IP6K2: variants seen among roughly 807,000 people sequenced by gnomAD.
IP6K2 encodes the protein ATP:1D-myo-inositol-hexakisphosphate phosphotransferase.
Under a neutral mutation model 43.3 loss-of-function variants are expected in IP6K2, and 9 were observed. The ratio of observed to expected loss-of-function variants is 0.21; its 90% confidence interval spans 0.13 to 0.36. The LOEUF (loss-of-function observed/expected upper bound fraction) is 0.36, where lower values mean the gene tolerates loss of function less well. Ranked by LOEUF, IP6K2 falls within the 10% of genes least tolerant of loss-of-function variation. IP6K2 has a pLI of 1.00. For synonymous variants in IP6K2, 209 were observed against 202.4 expected, an observed-to-expected ratio of 1.03 and a Z score of -0.28; for missense variants, 332 against 538.4, an observed-to-expected ratio of 0.62 and a Z score of 3.79.
At chr3:48,698,169 A>G (rs1206057891) in intron 1 of IP6K2, among the ~76,000 whole-genome samples, 1 of 152,172 alleles carries the variant, frequency 6.6e-6, no homozygotes, top group Non-Finnish European at 1.5e-5. Context: ...CTGGCCACAC[A>G]AGCCTTTTCT....
intron 1 of IP6K2, among the ~76,000 whole-genome samples, chr3:48,712,623 A>C (rs1444280218): frequency 6.6e-6 from 1 of 152,082 alleles, no homozygotes; most frequent in Admixed American, 6.6e-5. Context: ...CTGAGGCAAG[A>C]GGATCACTTA....
chr3:48,697,537 C>T (rs2078532667), intron 1 of IP6K2, among the ~76,000 whole-genome samples: 1 of 113,826 alleles, frequency 8.8e-6, no homozygotes, highest in East Asian at 2.9e-4. Flanking sequence ...GACAGGGTTT[C>T]ACCATGTTGG....
In IP6K2 at chr3:48,688,057, TATC is replaced by T. The variant is rs2077493296; in HGVS notation, c.*213_*215del. ...CATATACACTCAGGGAAGAAAGAGG[TATC>T]ATCATCAAATGTGGAATGTTGAAGA... On this transcript the variant is annotated 3_prime_UTR_variant, in exon 6 of 6. Transcript: ENST00000328631. This position sits in a 1 kb window ranked among gnomAD's most constrained non-coding sequence, Gnocchi z 5.1. 3 of 588,898 alleles carry T rather than the reference TATC, an allele frequency of 5.1e-6. No individual in the cohort carries two copies. The highest frequency in any genetic ancestry group is 3.7e-5 in the African/African-American group (2 of 53,622). 36.5% of individuals were successfully genotyped at this position (588,898 alleles called of 1,614,324 possible).
intron 2 of IP6K2, 161 bp downstream of exon 2, chr3:48,694,929 A>AT (rs2078154945): frequency 6.4e-7 from 1 of 1,553,968 alleles, no homozygotes; most frequent in Admixed American, 1.9e-5. Flanking sequence ...AGGGTGTGAG[A>AT]TGCTGGGCTG....
chr3:48,692,855 A>G (rs1390443068), intron 3 of IP6K2, 99 bp downstream of exon 3: 2 of 821,746 alleles, frequency 2.4e-6, no homozygotes, highest in Non-Finnish European at 4.0e-6. Flanking sequence ...TACCTACTAA[A>G]TCCACTTCAG....
At chr3:48,709,387 T>C (rs539606687) in intron 1 of IP6K2, among the ~76,000 whole-genome samples, 1 of 152,344 alleles carries the variant, frequency 6.6e-6, no homozygotes, top group African/African-American at 2.4e-5. Flanking sequence ...ACATCTCGCT[T>C]AGACAAATAC....
Position 48,691,819 on chromosome 3 carries a change from T to C in IP6K2, c.429-337A>G, listed in dbSNP as rs568353581. On this transcript the variant is annotated intron_variant, in intron 3 of 5. Transcript: ENST00000328631. ...AAGACTCAAAAAATAAATAAATAAA[T>C]AAATAAATAAATAAATAAAATCCAG... is the stretch of plus-strand genomic sequence containing the variant. 2.2e-4 allele frequency among the ~76,000 whole-genome samples: 33 copies of C among 151,932 alleles called. No individual in the cohort carries two copies. The South Asian group carries it at 6.2e-3, about 29-fold the overall frequency.
At chr3:48,706,074 G>A (rs912242746) in intron 1 of IP6K2, among the ~76,000 whole-genome samples, 3 of 149,662 alleles carry the variant, frequency 2.0e-5, no homozygotes, top group Non-Finnish European at 4.5e-5. Context: ...GTGCATGGTG[G>A]TGGGCGCCTA....
chr3:48,716,623 T>C (rs1363265990), intron 1 of IP6K2: 5 of 151,254 alleles, frequency 3.3e-5, no homozygotes, highest in African/African-American at 1.2e-4. Context: ...GATTCCCTCA[T>C]CGAACACCAT....
rs2077936977 is a variant in IP6K2, at chr3:48,692,990, C to G, written c.392G>C (p.Trp131Ser). 6.2e-7 allele frequency: 1 copy of G among 1,614,156 alleles called. No individual in the cohort carries two copies. Among genetic ancestry groups the G allele is most frequent in the Non-Finnish European group, 8.5e-7 (1 of 1,180,004 alleles). Residue 131 changes from tryptophan to serine, a missense_variant, in exon 3 of 6, where the codon TGG (tryptophan) becomes TCG (serine). By Grantham distance (177) the Trp-to-Ser change is radical. Coordinates refer to ENST00000328631, the MANE Select transcript of IP6K2 (RefSeq NM_016291.4). ...CTCCTCTTTACGGTGCTGACGCACC[C>G]AGTCCTTAGGGGTCTTTTCTGTTTC... ...VLETEKTPKD[W>S]VRQHRKEEKM...
In IP6K2 at chr3:48,695,602, G is replaced by C. The variant is rs2078251437; in HGVS notation, c.-130-181C>G. ...CGGCAGAAAAACAAAAACACTATGA[G>C]CTCATGGGGCGGGGTTAGATGCAGA... is the stretch of plus-strand genomic sequence containing the variant. On this transcript the variant is annotated intron_variant, in intron 1 of 5. Coordinates refer to ENST00000328631, the MANE Select transcript of IP6K2 (RefSeq NM_016291.4). The surrounding 1 kb of genome is among the most constrained non-coding windows in gnomAD (Gnocchi z 4.6). 2.7e-6 allele frequency: 2 copies of C among 728,838 alleles called. No individual in the cohort carries two copies. Among genetic ancestry groups the C allele is most frequent in the East Asian group, 6.5e-5 (2 of 30,834 alleles). The allele number at this position is 728,838 out of a possible 1,614,324, so 45.1% of individuals were successfully genotyped here.
chr3:48,713,979 C>T (rs941000337), intron 1 of IP6K2, among the ~76,000 whole-genome samples: 18 of 151,242 alleles, frequency 1.2e-4, no homozygotes, highest in Non-Finnish European at 2.4e-4. Context: ...TAGCCAGGTG[C>T]GGTGGCACAT....
intron 1 of IP6K2, among the ~76,000 whole-genome samples, chr3:48,703,567 A>T (rs1185772885): frequency 6.7e-6 from 1 of 148,492 alleles, no homozygotes. Flanking sequence ...AAAAAAAAAA[A>T]TTAGCCAGGC....
intron 1 of IP6K2, among the ~76,000 whole-genome samples, chr3:48,708,683 ACT>A (rs1236317604): frequency 6.6e-6 from 1 of 151,684 alleles, no homozygotes; most frequent in East Asian, 1.9e-4. Flanking sequence ...CAGAGAAGCA[ACT>A]CTCTCAGACT....
Position 48,705,847 on chromosome 3 carries a change from TAAAAATA to T in IP6K2, c.-130-10433_-130-10427del, listed in dbSNP as rs1026644998. Among the ~76,000 whole-genome samples the T allele has an allele frequency of 5.8e-5, 6 of 103,832 alleles. No individual in the cohort carries two copies. In the South Asian group the frequency reaches 8.6e-4, roughly 15 times the overall value. The allele number at this position is 103,832 out of a possible 152,430, so 68.1% of individuals were successfully genotyped here. A position where few individuals can be genotyped will look rare whatever the true frequency, so the allele number is the denominator to read the frequency against. On this transcript the variant is annotated intron_variant, in intron 1 of 5. Transcript: ENST00000328631. ...GCAAAAACCCCTCTCTACCAAAAAATAAAAATAAAAAATAAAAAATAAAAAAAATAAA... is the reference window on the plus strand; with the variant it reads ...GCAAAAACCCCTCTCTACCAAAAAATAAAAATAAAAAATAAAAAAAATAAA...
intron 2 of IP6K2, chr3:48,694,847 C>A: frequency 6.5e-7 from 1 of 1,537,090 alleles, no homozygotes. Flanking sequence ...CACAACTACA[C>A]TTCTACCAAA....
intron 1 of IP6K2, among the ~76,000 whole-genome samples, chr3:48,707,568 G>A (rs2106994436): frequency 6.6e-6 from 1 of 152,278 alleles, no homozygotes; most frequent in South Asian, 2.1e-4. Flanking sequence ...CCAAGTAGCT[G>A]GGATTACAGG....
In IP6K2 at chr3:48,688,270, A is replaced by T; in HGVS notation, c.*3T>A. 1.9e-6 allele frequency: 3 copies of T among 1,611,700 alleles called. No individual in the cohort carries two copies. The highest frequency in any genetic ancestry group is 2.5e-6 in the Non-Finnish European group (3 of 1,177,924). Reference sequence around the variant, plus strand: ...CTCTCAAGTACTGGAGCAGCTAGCAAGCTCACTCCCCACTCTCCTCACTTA... The same window carrying T: ...CTCTCAAGTACTGGAGCAGCTAGCATGCTCACTCCCCACTCTCCTCACTTA... On this transcript the variant is annotated 3_prime_UTR_variant, in exon 6 of 6. Transcript: ENST00000328631. This position sits in a 1 kb window ranked among gnomAD's most constrained non-coding sequence, Gnocchi z 5.1.
intron 1 of IP6K2, among the ~76,000 whole-genome samples, chr3:48,714,772 C>G (rs549942094): frequency 6.9e-6 from 1 of 143,970 alleles, no homozygotes; most frequent in African/African-American, 2.6e-5. Context: ...GGCGTGAACC[C>G]GGAAGGCGGA....
Sources: gnomAD v4.1 joint callset for allele counts (sites outside exome capture counted in the v4.1 genomes callset) on GRCh38, gnomAD v4.1.1 for gene constraint, Gnocchi (gnomAD v3.1) non-coding constraint, MANE v1.5 for transcripts, NCBI Gene and HGNC (gene_info 2026-07-23, HGNC 2026-07-21) for gene names.